SLIT2: variants seen among roughly 807,000 people sequenced by gnomAD.
SLIT2 encodes the protein slit guidance ligand 2.
In SLIT2, 41 loss-of-function variants were observed where a neutral mutation model predicts 185.7. The observed-to-expected ratio is 0.22, with a 90% CI of 0.17 to 0.29. The LOEUF (loss-of-function observed/expected upper bound fraction) is 0.29. SLIT2 is among the 10% of genes least tolerant of loss of function. SLIT2 has a pLI of 1.00. For synonymous variants in SLIT2, 693 were observed against 680.2 expected, an observed-to-expected ratio of 1.02 and a Z score of -0.29; for missense variants, 1,571 against 1,909.0, an observed-to-expected ratio of 0.82 and a Z score of 3.30.
At chr4:20,604,932 TTCAAGCGATTCTCC>T (rs1283853307) in intron 33 of SLIT2, among the ~76,000 whole-genome samples, 6 of 151,184 alleles carry the variant, frequency 4.0e-5, no homozygotes, top group African/African-American at 7.3e-5. Context: ...ACCTCCCGGG[TTCAAGCGATTCTCC>T]TGCCTCAGCC....
intron 4 of SLIT2, among the ~76,000 whole-genome samples, chr4:20,340,637 G>T (rs1233204772): frequency 3.9e-5 from 6 of 152,004 alleles, no homozygotes; most frequent in African/African-American, 1.2e-4. Flanking sequence ...GTCTCGCTCT[G>T]TCCCCCGGGC....
At chr4:20,567,949 C>G (rs1319693065) in intron 28 of SLIT2, among the ~76,000 whole-genome samples, 2 of 152,060 alleles carry the variant, frequency 1.3e-5, no homozygotes, top group Non-Finnish European at 2.9e-5. Flanking sequence ...TACTGCTAGT[C>G]ATATATTCAT....
intron 34 of SLIT2, chr4:20,616,646 G>A (rs1729676284): frequency 2.8e-6 from 1 of 361,396 alleles, no homozygotes; most frequent in East Asian, 4.4e-5. Context: ...AGTTTTCTTT[G>A]AAGCAAATTT....
chr4:20,617,745 A>C lies in SLIT2; in HGVS notation c.4348+95A>C, dbSNP rs567735468. 1.1e-3 allele frequency: 902 copies of C among 842,564 alleles called. 6 individuals are homozygous for C. Among genetic ancestry groups the C allele is most frequent in the Non-Finnish European group, 1.4e-3 (770 of 544,964 alleles). The allele number at this position is 842,564 out of a possible 1,614,324, so 52.2% of individuals were successfully genotyped here. On this transcript the variant is annotated intron_variant, in intron 36 of 36. Coordinates refer to ENST00000504154, the MANE Select transcript of SLIT2 (RefSeq NM_004787.4). ...AGGGAGAAAAAGTGAAAAAAAAAAA[A>C]AAAACAGGAGCAACAGAGACAGAGA...
At chr4:20,335,150 G>C (rs981444483) in intron 4 of SLIT2, among the ~76,000 whole-genome samples, 4 of 152,102 alleles carry the variant, frequency 2.6e-5, no homozygotes, top group African/African-American at 9.7e-5. Flanking sequence ...AAGTCACCTG[G>C]GAATTTGGGA....
In SLIT2 at chr4:20,510,555, G is replaced by A. The variant is rs767430936; in HGVS notation, c.975G>A (p.Lys325=). Residue 325 remains lysine, a synonymous_variant, in exon 10 of 37, where the codon AAG becomes AAA. Transcript: ENST00000504154. ...IPPGAFSPYK[K]LRRIDLSNNQ... is the part of the protein sequence containing the mutation. ...CTGGAGCTTTCTCACCATATAAAAA[G>A]CTTAGACGAATGTGAGTGAACAATA... 2 of 1,601,046 alleles carry A rather than the reference G, an allele frequency of 1.2e-6. No homozygotes were observed. The highest frequency in any genetic ancestry group is 1.3e-5 in the African/African-American group (1 of 74,730).
intron 4 of SLIT2, among the ~76,000 whole-genome samples, chr4:20,280,758 T>G (rs1370216848): frequency 6.6e-6 from 1 of 152,126 alleles, no homozygotes; most frequent in Non-Finnish European, 1.5e-5. Flanking sequence ...GAGATTATTC[T>G]CTCTATTATT....
At chr4:20,271,650 T>C (rs1713626792) in intron 4 of SLIT2, among the ~76,000 whole-genome samples, 1 of 151,770 alleles carries the variant, frequency 6.6e-6, no homozygotes, top group African/African-American at 2.4e-5. Context: ...TTCTTAGTTA[T>C]TGTATACTTT....
intron 4 of SLIT2, among the ~76,000 whole-genome samples, chr4:20,284,407 C>G (rs958531908): frequency 3.9e-5 from 6 of 152,158 alleles, no homozygotes; most frequent in Admixed American, 3.3e-4. Context: ...TTTGGACATA[C>G]ATATGCCTCT....
chr4:20,585,599 C>T (rs1726988119), intron 29 of SLIT2, among the ~76,000 whole-genome samples: 2 of 152,196 alleles, frequency 1.3e-5, no homozygotes, highest in South Asian at 4.1e-4. Flanking sequence ...TGCCCCAAAC[C>T]ACTCCAATGG....
In SLIT2 at chr4:20,347,247, A is replaced by C. The variant is rs568394415; in HGVS notation, c.395+78366A>C. On this transcript the variant is annotated intron_variant, in intron 4 of 36. Coordinates refer to ENST00000504154, the MANE Select transcript of SLIT2 (RefSeq NM_004787.4). The stretch of plus-strand genomic sequence containing the variant: ...GCCATGGATGCTTCTCTGTTAGGTA[A>C]AGGAGGCAGGGCTCAAGCCCACATC... 1.1e-3 allele frequency among the ~76,000 whole-genome samples: 161 copies of C among 152,304 alleles called. 1 individual carries two copies. Among genetic ancestry groups the C allele is most frequent in the African/African-American group, 3.6e-3 (150 of 41,556 alleles).
At chr4:20,605,458 C>T (rs1728718859) in intron 33 of SLIT2, among the ~76,000 whole-genome samples, 1 of 152,118 alleles carries the variant, frequency 6.6e-6, no homozygotes, top group Non-Finnish European at 1.5e-5. Context: ...AAATGCAATT[C>T]AAATTCCCAG....
chr4:20,412,406 G>A (rs1212460888), intron 4 of SLIT2, among the ~76,000 whole-genome samples: 3 of 152,026 alleles, frequency 2.0e-5, no homozygotes, highest in Non-Finnish European at 4.4e-5. Context: ...AAGAGAAATT[G>A]TTTTTCCAAC....
At chr4:20,382,142 AT>A (rs2109344606) in intron 4 of SLIT2, among the ~76,000 whole-genome samples, 1 of 152,222 alleles carries the variant, frequency 6.6e-6, no homozygotes, top group East Asian at 1.9e-4. Flanking sequence ...AGGAAAAAGG[AT>A]TTGACTAAAT....
intron 12 of SLIT2, 72 bp from the exon 13 acceptor site, chr4:20,523,688 A>T: frequency 7.3e-7 from 1 of 1,370,038 alleles, no homozygotes; most frequent in Non-Finnish European, 1.0e-6. Flanking sequence ...GGGTTTCCTT[A>T]AAAAGCACAA....
chr4:20,594,251 ATATACATACACGCATATG>A lies in SLIT2; in HGVS notation c.3183-1442_3183-1425del, dbSNP rs1420309827. ...TATGTACATGTGTATATACATATAC[ATATACATACACGCATATG>A]TATGTGTGTATGTATATGTGTGTAT... On this transcript the variant is annotated intron_variant, in intron 30 of 36. Transcript: ENST00000504154. 2.0e-5 allele frequency among the ~76,000 whole-genome samples: 3 copies of A among 149,762 alleles called. 1 individual carries two copies. The East Asian group carries it at 5.9e-4, about 30-fold the overall frequency.
At chr4:20,280,373 A>G (rs1261503270) in intron 4 of SLIT2, among the ~76,000 whole-genome samples, 1 of 151,702 alleles carries the variant, frequency 6.6e-6, no homozygotes, top group Non-Finnish European at 1.5e-5. Flanking sequence ...AAAAAAAACC[A>G]AAAAGCTTTC....
chr4:20,305,729 C>T (rs1230002762), intron 4 of SLIT2, among the ~76,000 whole-genome samples: 4 of 151,596 alleles, frequency 2.6e-5, no homozygotes, highest in East Asian at 1.9e-4. Flanking sequence ...AAAAATTAGC[C>T]GGGCATGGTG....
At chr4:20,607,309 A>G (rs1410930233) in intron 33 of SLIT2, among the ~76,000 whole-genome samples, 1 of 152,184 alleles carries the variant, frequency 6.6e-6, no homozygotes, top group Non-Finnish European at 1.5e-5. Flanking sequence ...TGTTTTATGA[A>G]ATGAATTTTC....
Sources: allele counts gnomAD v4.1 joint callset (sites outside exome capture counted in the v4.1 genomes callset), GRCh38; gene constraint gnomAD v4.1.1; transcripts MANE v1.5; gene names NCBI Gene and HGNC (gene_info 2026-07-23, HGNC 2026-07-21).